AMOT: variants seen among roughly 807,000 people sequenced by gnomAD.
AMOT encodes angiomotin.
AMOT carries 11 observed loss-of-function variants against 67.0 expected under a neutral mutation model. The ratio of observed to expected loss-of-function variants is 0.16; its 90% CI spans 0.10 to 0.27. AMOT has a LOEUF of 0.27. AMOT is among the 10% of genes least tolerant of loss of function. The pLI is 1.00. For synonymous variants in AMOT, 326 were observed against 321.4 expected, an observed-to-expected ratio of 1.01 and a Z score of -0.15; for missense variants, 753 against 852.0, an observed-to-expected ratio of 0.88 and a Z score of 1.45.
chrX:112,790,049 T>A, intron 10 of AMOT, among the ~76,000 whole-genome samples: 1 of 102,079 alleles, frequency 9.8e-6, no homozygotes, highest in Non-Finnish European at 2.0e-5. Context: ...CCAGATGAAA[T>A]GTGACCGCTC....
intron 4 of AMOT, among the ~76,000 whole-genome samples, chrX:112,817,293 T>C (rs1221735006): frequency 8.9e-6 from 1 of 112,290 alleles, no homozygotes; most frequent in Non-Finnish European, 1.9e-5. Flanking sequence ...TTTGGCGGAA[T>C]AGGAATTACA....
Position 112,811,931 on chromosome X carries a change from A to G in AMOT, c.1393-538T>C, listed in dbSNP as rs1435218066. Among the ~76,000 whole-genome samples the G allele has an allele frequency of 5.4e-5, 6 of 111,751 alleles. No individual in the cohort carries two copies. The East Asian group carries it at 1.7e-3, about 31-fold the overall frequency. Reference sequence around the variant, plus strand: ...AAGCTTCATGAAGTAGTTCAGTTCAATTTAACAAACATTTACCAAGGGCCA... The same window carrying G: ...AAGCTTCATGAAGTAGTTCAGTTCAGTTTAACAAACATTTACCAAGGGCCA... On this transcript the variant is annotated intron_variant, in intron 5 of 13. Coordinates refer to ENST00000371959, the MANE Select transcript of AMOT (RefSeq NM_001113490.2).
chrX:112,812,348 T>C (rs985028280), intron 5 of AMOT, among the ~76,000 whole-genome samples: 11 of 111,848 alleles, frequency 9.8e-5, no homozygotes, highest in African/African-American at 2.9e-4. Context: ...CTAAGATAGA[T>C]TGGAGTCAGA....
chrX:112,779,359 G>T lies in AMOT; in HGVS notation c.2795C>A (p.Ala932Asp). 1 of 911,331 alleles carries T rather than the reference G, an allele frequency of 1.1e-6. No individual in the cohort carries two copies. 75.1% of individuals were successfully genotyped at this position (911,331 alleles called of 1,213,427 possible). ...AGAAACAGCAGCAGCAGTAGCAGCG[G>T]CAGTGGCTGGAGACGGGGCAGCAGC... ...AAAAAPSPAT[A>D]AATAAAVSPA... Residue 932 changes from alanine (A) to aspartate (D), a missense_variant, in exon 13 of 14, where the codon GCC becomes GAC. This residue lies in a region of AMOT where 269 missense variants were observed against 300.9 expected (regional missense o/e 0.89). Coordinates refer to ENST00000371959, the MANE Select transcript of AMOT (RefSeq NM_001113490.2).
rs1433027446 is a variant in AMOT at position 112,782,526 on chromosome X, G to T, written c.2240+14C>A. 2.5e-6 allele frequency: 3 copies of T among 1,209,284 alleles called. No individual in the cohort carries two copies. Among genetic ancestry groups the T allele is most frequent in the Admixed American group, 4.4e-5 (2 of 45,702 alleles). ...AATGTCTCAGATTCCTCAGGGTCCA[G>T]AACAACATTTTACCTGCCCTCCATG... On this transcript the variant is annotated intron_variant, in intron 11 of 13. Coordinates refer to ENST00000371959, the MANE Select transcript of AMOT (RefSeq NM_001113490.2).
chrX:112,825,014 T>C (rs1934808920), intron 3 of AMOT, 58 bp downstream of exon 3: 1 of 102,068 alleles, frequency 9.8e-6, no homozygotes. Flanking sequence ...CACACATGCA[T>C]ACACACATGC....
intron 2 of AMOT, 101 bp downstream of exon 2, chrX:112,832,193 C>G (rs898486845): frequency 9.0e-6 from 1 of 111,399 alleles, no homozygotes; most frequent in Non-Finnish European, 1.9e-5. Flanking sequence ...TAGTTGCATA[C>G]TGAGTGAATG....
chrX:112,839,393 C>T (rs1436697053), intron 1 of AMOT, among the ~76,000 whole-genome samples: 1 of 112,173 alleles, frequency 8.9e-6, no homozygotes, highest in Non-Finnish European at 1.9e-5. Flanking sequence ...ACTTAAATAT[C>T]CTTAGCCCTT....
At chrX:112,784,599 GAGA>G (rs1205727290) in intron 10 of AMOT, among the ~76,000 whole-genome samples, 1 of 111,987 alleles carries the variant, frequency 8.9e-6, no homozygotes, top group Admixed American at 9.5e-5. Flanking sequence ...CAAAGAAAAA[GAGA>G]AGGAGGGAAA....
chrX:112,828,412 GAATT>G (rs1569406209), intron 2 of AMOT, among the ~76,000 whole-genome samples: 1 of 104,198 alleles, frequency 9.6e-6, no homozygotes, highest in Non-Finnish European at 2.0e-5. Flanking sequence ...AAGATTAAGG[GAATT>G]AATCCATGTA....
intron 8 of AMOT, among the ~76,000 whole-genome samples, chrX:112,792,615 C>T (rs898719069): frequency 1.8e-5 from 2 of 111,686 alleles, no homozygotes; most frequent in Admixed American, 9.5e-5. Flanking sequence ...AAAGGCGTCA[C>T]GTGATGGGTC....
rs908390729 is a variant in AMOT at position 112,828,145 on chromosome X, A to T, written c.-211-2925T>A. On this transcript the variant is annotated intron_variant, in intron 2 of 13. Coordinates refer to ENST00000371959, the MANE Select transcript of AMOT (RefSeq NM_001113490.2). Reference sequence around the variant, plus strand: ...AGTACCCTAGAGAATAACTTTCCCAACAGTCTTGCAACCCAAGATACCAAT... The same window carrying T: ...AGTACCCTAGAGAATAACTTTCCCATCAGTCTTGCAACCCAAGATACCAAT... Among the ~76,000 whole-genome samples the T allele has an allele frequency of 2.7e-5, 3 of 110,582 alleles. No individual in the cohort carries two copies. The South Asian group carries it at 1.2e-3, about 43-fold the overall frequency.
intron 2 of AMOT, among the ~76,000 whole-genome samples, chrX:112,831,553 A>G (rs1173809548): frequency 9.0e-6 from 1 of 110,512 alleles, no homozygotes; most frequent in East Asian, 2.8e-4. Context: ...CAACGGGAAA[A>G]CAGAGGTATG....
At chrX:112,790,062 G>A (rs16987094) in intron 10 of AMOT, among the ~76,000 whole-genome samples, 1,562 of 102,305 alleles carry the variant, frequency 0.015, 42 homozygotes, top group African/African-American at 0.053. Flanking sequence ...GACCGCTCAC[G>A]CACGATGAGG....
At chrX:112,787,319 C>T (rs886698944) in intron 10 of AMOT, among the ~76,000 whole-genome samples, 1 of 111,746 alleles carries the variant, frequency 8.9e-6, no homozygotes, top group African/African-American at 3.3e-5. Context: ...AATATGCATA[C>T]ATAAACTGTG....
At chrX:112,799,569 T>C (rs937652060) in intron 8 of AMOT, among the ~76,000 whole-genome samples, 2 of 112,055 alleles carry the variant, frequency 1.8e-5, no homozygotes, top group Admixed American at 1.9e-4. Context: ...TGATTTTAGT[T>C]TGATCTGATT....
At chrX:112,813,682 T>C (rs1194787157) in intron 5 of AMOT, among the ~76,000 whole-genome samples, 2 of 111,292 alleles carry the variant, frequency 1.8e-5, no homozygotes, top group Non-Finnish European at 3.8e-5. Context: ...AAAGGGCCCG[T>C]ATTAGAGCTG....
At chrX:112,818,206 G>A (rs1370949053) in intron 4 of AMOT, among the ~76,000 whole-genome samples, 1 of 111,238 alleles carries the variant, frequency 9.0e-6, no homozygotes, top group African/African-American at 3.3e-5. Flanking sequence ...TCTGAAATGG[G>A]CTTTCTCTCC....
rs1377890160 is a variant in AMOT at position 112,775,361 on chromosome X, T to C, written c.*3206A>G. On this transcript the variant is annotated 3_prime_UTR_variant, in exon 14 of 14. Transcript: ENST00000371959. ...TAGGAGACTGTGTAGCTAACAGATA[T>C]GAGAATATAATTGATCAAAGTTAGT... The C allele has an allele frequency of 8.9e-6, 1 of 112,866 alleles. No homozygotes were observed. Among genetic ancestry groups the C allele is most frequent in the Non-Finnish European group, 1.9e-5 (1 of 53,333 alleles). 9.3% of individuals were successfully genotyped at this position (112,866 alleles called of 1,213,427 possible).
Sources: gnomAD v4.1 joint callset for allele counts (sites outside exome capture counted in the v4.1 genomes callset) on GRCh38, gnomAD v4.1.1 for gene constraint, gnomAD v4.1.1 regional missense constraint, MANE v1.5 for transcripts, NCBI Gene and HGNC (gene_info 2026-07-23, HGNC 2026-07-21) for gene names.